Variants in CEP170B observed in about 807,000 individuals in gnomAD.
CEP170B encodes centrosomal protein of 170 kDa protein B.
A neutral mutation model predicts 120.6 loss-of-function variants in CEP170B; 55 were observed. The observed-to-expected ratio is 0.46, with a 90% CI of 0.37 to 0.57. CEP170B has a LOEUF of 0.57. CEP170B is among the 20% of genes least tolerant of loss of function. The pLI, the probability that CEP170B is intolerant of heterozygous loss-of-function variation, is 0.00. For synonymous variants in CEP170B, 1,033 were observed against 954.5 expected (o/e 1.08, Z -1.52); for missense variants, 2,212 against 2,253.3 (o/e 0.98, Z 0.37).
rs565317932 is a variant in CEP170B at position 104,894,844 on chromosome 14, C to T, written c.4551C>T (p.Ala1517=). ...AAQSPPSPAS[A]EALLPALPLR... Reference sequence around the variant, plus strand: ...AGAGCCCACCCTCACCCGCCTCAGCCGAGGCCCTGCTGCCAGCCCTGCCCC... The same window carrying T: ...AGAGCCCACCCTCACCCGCCTCAGCTGAGGCCCTGCTGCCAGCCCTGCCCC... Residue 1517 remains alanine (A), a synonymous_variant, in exon 19 of 19, where the codon GCC becomes GCT. Coordinates refer to ENST00000414716, the MANE Select transcript of CEP170B (RefSeq NM_001112726.3). The T allele has an allele frequency of 7.5e-6, 12 of 1,609,688 alleles. No individual in the cohort carries two copies. Among genetic ancestry groups the T allele is most frequent in the East Asian group, 2.2e-5 (1 of 44,750 alleles).
chr14:104,870,893 G>C lies in CEP170B; in HGVS notation c.105+2338G>C. Among the ~76,000 whole-genome samples the C allele has an allele frequency of 6.6e-6, 1 of 152,058 alleles. No homozygotes were observed. The highest frequency in any genetic ancestry group is 2.4e-5 in the African/African-American group (1 of 41,384). On this transcript the variant is annotated intron_variant, in intron 2 of 18. Coordinates refer to ENST00000414716, the MANE Select transcript of CEP170B (RefSeq NM_001112726.3). The surrounding 1 kb of genome is among the most constrained non-coding windows in gnomAD (Gnocchi z 4.1). Reference sequence around the variant, plus strand: ...CAGGTGTGGCGAGTGTGGGAAGGCTGTCTGCCTCCCGGTGCCCCTGCAGCG... The same window carrying C: ...CAGGTGTGGCGAGTGTGGGAAGGCTCTCTGCCTCCCGGTGCCCCTGCAGCG...
At chr14:104,890,840 A>G (rs868819440) in intron 13 of CEP170B, among the ~76,000 whole-genome samples, 289 of 30,016 alleles carry the variant, frequency 9.6e-3, no homozygotes, top group Non-Finnish European at 0.012. Flanking sequence ...TGGATGGATG[A>G]ATGGATGAAT....
intron 13 of CEP170B, among the ~76,000 whole-genome samples, 181 bp downstream of exon 13, chr14:104,889,939 TG>T (rs1277763192): frequency 4.3e-5 from 3 of 69,622 alleles, no homozygotes; most frequent in Non-Finnish European, 6.2e-5. Context: ...GATGGATGGA[TG>T]GATGGATGGA....
chr14:104,890,481 A>ATGG (rs1896773400), intron 13 of CEP170B, among the ~76,000 whole-genome samples: 1 of 60,788 alleles, frequency 1.6e-5, no homozygotes, highest in African/African-American at 6.8e-5. Flanking sequence ...TGGATGGATG[A>ATGG]ATGAGTGGGT....
At chr14:104,874,771 G>A (rs1272030885) in intron 2 of CEP170B, among the ~76,000 whole-genome samples, 3 of 143,866 alleles carry the variant, frequency 2.1e-5, no homozygotes, top group Admixed American at 7.1e-5. Context: ...CCTCTGCAGC[G>A]CAACCACCGT....
intron 6 of CEP170B, among the ~76,000 whole-genome samples, chr14:104,882,441 G>A (rs998484273): frequency 1.3e-5 from 2 of 152,168 alleles, no homozygotes; most frequent in East Asian, 1.9e-4. Flanking sequence ...GTACATCAGA[G>A]GGGAGAGAGG....
intron 6 of CEP170B, among the ~76,000 whole-genome samples, chr14:104,881,047 G>T (rs984391113): frequency 3.9e-5 from 6 of 151,934 alleles, no homozygotes; most frequent in Non-Finnish European, 5.9e-5. Flanking sequence ...GGCAGGTGAT[G>T]GGGGGGTGAG....
At chr14:104,885,336 C>T (rs894038) in intron 9 of CEP170B, 33 bp from the exon 10 acceptor site, 1,109,607 of 1,519,406 alleles carry the variant, frequency 0.73, 419,468 homozygotes, top group Middle Eastern at 0.81. Flanking sequence ...GCTTCTCTGA[C>T]CCTCGGTGCC....
Position 104,886,132 on chromosome 14 carries a change from T to A in CEP170B, c.2035+2T>A. The A allele has an allele frequency of 5.2e-6, 8 of 1,534,694 alleles. No homozygotes were observed. The highest frequency in any genetic ancestry group is 7.0e-6 in the Non-Finnish European group (8 of 1,141,544). On this transcript the variant is annotated splice_donor_variant, in intron 11 of 18. Transcript: ENST00000414716. LOFTEE classifies it high-confidence loss of function. ...GCTACTCAGACCCGGGCCTCACAGGTAAGTGGCTCCAGTGCTGCGGGGGAG... is the reference window on the plus strand; with the variant it reads ...GCTACTCAGACCCGGGCCTCACAGGAAAGTGGCTCCAGTGCTGCGGGGGAG...
intron 13 of CEP170B, 50 bp downstream of exon 13, chr14:104,889,808 G>C (rs779082393): frequency 6.4e-7 from 1 of 1,560,068 alleles, no homozygotes; most frequent in Admixed American, 1.8e-5. Context: ...GCGTTTTCTT[G>C]AGTGAGAGCA....
At chr14:104,883,667 G>T (rs985077789) in intron 8 of CEP170B, among the ~76,000 whole-genome samples, 159 bp downstream of exon 8, 1 of 152,196 alleles carries the variant, frequency 6.6e-6, no homozygotes, top group Non-Finnish European at 1.5e-5. Flanking sequence ...TCAGGAGTCC[G>T]GTCCTGCGTC....
At chr14:104,865,102 C>T (rs1020373144), upstream of CEP170B, among the ~76,000 whole-genome samples, 2 of 150,016 alleles carry the variant, frequency 1.3e-5, no homozygotes, top group Admixed American at 6.6e-5. This position sits in a 1 kb window ranked among gnomAD's most constrained non-coding sequence, Gnocchi z 6.7. Flanking sequence ...CTCTGCCGAC[C>T]GGACCACGCG....
chr14:104,875,059 G>A (rs1895766818), intron 2 of CEP170B, among the ~76,000 whole-genome samples: 1 of 152,228 alleles, frequency 6.6e-6, no homozygotes, highest in Admixed American at 6.5e-5. Context: ...GCCCCACACT[G>A]GTGTTTCATG....
chr14:104,872,110 G>A (rs533812552), intron 2 of CEP170B, among the ~76,000 whole-genome samples: 1 of 152,204 alleles, frequency 6.6e-6, no homozygotes, highest in South Asian at 2.1e-4. Flanking sequence ...GGTCCAGGGT[G>A]TGCGTGTGTG....
At chr14:104,879,475 A>C (rs1896028990) in intron 5 of CEP170B, among the ~76,000 whole-genome samples, 1 of 152,078 alleles carries the variant, frequency 6.6e-6, no homozygotes, top group South Asian at 2.1e-4. Flanking sequence ...TGAAATCTGA[A>C]GGTCTTAGGC....
At position 104,894,702 on chromosome 14, in the gene CEP170B, C is replaced by T. The variant is rs1401116946; in HGVS notation, c.4418-9C>T. 1.9e-6 allele frequency: 3 copies of T among 1,573,952 alleles called. No individual in the cohort carries two copies. The highest frequency in any genetic ancestry group is 2.7e-5 in the African/African-American group (2 of 74,020). On this transcript the variant is annotated splice_polypyrimidine_tract_variant and intron_variant, in intron 18 of 18. Transcript: ENST00000414716. ...GATCCGCAGCCTGACCCTCCCTCCC[C>T]ACCTCCAGTTATCAATGCCATCGTG...
At chr14:104,873,364 G>A (rs1052426308) in intron 2 of CEP170B, among the ~76,000 whole-genome samples, 2 of 151,990 alleles carry the variant, frequency 1.3e-5, no homozygotes, top group African/African-American at 4.8e-5. Flanking sequence ...CCAGGCCTGG[G>A]CAAGGATGCG....
Position 104,883,200 on chromosome 14 carries a change from C to T in CEP170B, c.743C>T (p.Pro248Leu), listed in dbSNP as rs778807205. ...CCCGAGGTGCCGGCACACGAGATGCCCACGAAGGATGCAGAGGCAGGTGGG... is the reference window on the plus strand; with the variant it reads ...CCCGAGGTGCCGGCACACGAGATGCTCACGAAGGATGCAGAGGCAGGTGGG... ...QPPEVPAHEMPTKDAEAGGGG... is the reference protein window; with the variant it reads ...QPPEVPAHEMLTKDAEAGGGG... The change falls in exon 8 of 19, where the codon CCC (proline) becomes CTC (leucine). Residue 248 changes from proline (P) to leucine (L), a missense_variant. Physicochemically the swap from Pro to Leu is moderately conservative, Grantham distance 98 (BLOSUM62 -3). Coordinates refer to ENST00000414716, the MANE Select transcript of CEP170B (RefSeq NM_001112726.3). 97 of 1,610,646 alleles carry T rather than the reference C, an allele frequency of 6.0e-5. No individual in the cohort carries two copies. Among genetic ancestry groups the T allele is most frequent in the Non-Finnish European group, 8.1e-5 (95 of 1,179,346 alleles).
In CEP170B at chr14:104,883,996, T is replaced by C. The variant is rs1448212514; in HGVS notation, c.1217T>C (p.Ile406Thr). The C allele has an allele frequency of 6.2e-7, 1 of 1,610,770 alleles. No individual in the cohort carries two copies. Among genetic ancestry groups the C allele is most frequent in the Admixed American group, 1.7e-5 (1 of 59,862 alleles). ...CTACATAACCAGCAGGCCTTTGTCATCGAGTTCTTCGACGAGGACACACCC... is the reference window on the plus strand; with the variant it reads ...CTACATAACCAGCAGGCCTTTGTCACCGAGTTCTTCGACGAGGACACACCC... The part of the protein sequence containing the change: ...ELLHNQQAFV[I>T]EFFDEDTPRK... The change falls in exon 9 of 19, where the codon ATC becomes ACC. Residue 406 changes from isoleucine (I) to threonine (T), a missense_variant. Around this residue, in one of 2 missense-constraint regions of CEP170B, gnomAD observed 2,166 missense variants for 2,166.7 expected, o/e 1.00. Transcript: ENST00000414716.
Sources: allele counts gnomAD v4.1 joint callset (sites outside exome capture counted in the v4.1 genomes callset), GRCh38; gene constraint gnomAD v4.1.1; regional missense constraint gnomAD v4.1.1; non-coding constraint Gnocchi (gnomAD v3.1); transcripts MANE v1.5; gene names NCBI Gene and HGNC (gene_info 2026-07-23, HGNC 2026-07-21).